Variants in SFXN1 observed in about 807,000 individuals in gnomAD.
The protein encoded by SFXN1 is sideroflexin-1.
Under a neutral mutation model 39.5 loss-of-function variants are expected in SFXN1, and 32 were observed. The observed-to-expected ratio is 0.81, with a 90% CI of 0.61 to 1.09. The LOEUF is 1.09. Ranked by LOEUF, SFXN1 falls within the 50% of genes least tolerant of loss-of-function variation. The pLI is 0.00. For missense variants in SFXN1, 402 were observed against 407.1 expected (o/e 0.99, Z 0.11); for synonymous variants, 136 against 146.5 (o/e 0.93, Z 0.52).
chr5:175,512,963 T>C (rs1167363537), intron 6 of SFXN1, among the ~76,000 whole-genome samples: 1 of 152,192 alleles, frequency 6.6e-6, no homozygotes, highest in African/African-American at 2.4e-5. Context: ...TGTTTTACTT[T>C]TATTTCTATC....
At chr5:175,510,564 G>A (rs1348575731) in intron 4 of SFXN1, among the ~76,000 whole-genome samples, 1 of 152,150 alleles carries the variant, frequency 6.6e-6, no homozygotes, top group African/African-American at 2.4e-5. Context: ...CATCTACCCT[G>A]CCTGAGTTGA....
At chr5:175,510,462 G>T in intron 4 of SFXN1, 1 of 451,978 alleles carries the variant, frequency 2.2e-6, no homozygotes, top group African/African-American at 2.0e-5. Flanking sequence ...CTGGTAGGAT[G>T]TTACCTCCTT....
intron 1 of SFXN1, among the ~76,000 whole-genome samples, chr5:175,482,725 A>G (rs1285906154): frequency 6.6e-6 from 1 of 152,230 alleles, no homozygotes; most frequent in Non-Finnish European, 1.5e-5. Context: ...CCTGTGTTTT[A>G]TAGATGACAG....
intron 2 of SFXN1, 131 bp from the exon 3 acceptor site, chr5:175,508,901 C>G (rs978648724): frequency 3.5e-5 from 26 of 746,856 alleles, no homozygotes; most frequent in Admixed American, 6.0e-5. Context: ...TCCCAAAGTG[C>G]TGGGATTACA....
chr5:175,520,220 TAC>T (rs928936807), intron 8 of SFXN1, among the ~76,000 whole-genome samples: 3 of 152,012 alleles, frequency 2.0e-5, no homozygotes, highest in South Asian at 2.1e-4. Context: ...TATATATATA[TAC>T]ACACACATAT....
chr5:175,480,181 C>T (rs1480454130), intron 1 of SFXN1, among the ~76,000 whole-genome samples: 15 of 152,146 alleles, frequency 9.9e-5, no homozygotes, highest in Non-Finnish European at 4.4e-5. Flanking sequence ...GCGGGCGGAT[C>T]ACGAGGTCAG....
At chr5:175,505,119 T>C (rs1044249666) in intron 2 of SFXN1, among the ~76,000 whole-genome samples, 2 of 152,172 alleles carry the variant, frequency 1.3e-5, no homozygotes, top group Admixed American at 6.5e-5. Flanking sequence ...ATGTTAAGTT[T>C]GAGTAAATGG....
chr5:175,502,108 G>A (rs1327832727), intron 2 of SFXN1, among the ~76,000 whole-genome samples: 1 of 152,142 alleles, frequency 6.6e-6, no homozygotes, highest in African/African-American at 2.4e-5. Context: ...GGCAGAACTG[G>A]TTGGGCCAGA....
chr5:175,518,166 T>C (rs1760772574), intron 8 of SFXN1, among the ~76,000 whole-genome samples: 1 of 152,170 alleles, frequency 6.6e-6, no homozygotes. Flanking sequence ...ACAGTTTTCT[T>C]GAAGAATAGT....
intron 1 of SFXN1, among the ~76,000 whole-genome samples, chr5:175,480,121 G>A (rs1759175177): frequency 6.6e-6 from 1 of 152,150 alleles, no homozygotes; most frequent in Non-Finnish European, 1.5e-5. Flanking sequence ...CAGTGTTTGG[G>A]CCAGGCGCGG....
At chr5:175,499,550 C>G (rs1759993414) in intron 2 of SFXN1, among the ~76,000 whole-genome samples, 2 of 152,136 alleles carry the variant, frequency 1.3e-5, no homozygotes, top group African/African-American at 4.8e-5. Flanking sequence ...TAGACTAAAA[C>G]AGAAAACCGT....
intron 1 of SFXN1, among the ~76,000 whole-genome samples, chr5:175,487,593 A>G (rs1383938385): frequency 6.6e-6 from 1 of 152,044 alleles, no homozygotes; most frequent in Non-Finnish European, 1.5e-5. Context: ...ACCTCTTCAC[A>G]CCACAGTCCT....
chr5:175,507,259 C>A (rs866047106), intron 2 of SFXN1, among the ~76,000 whole-genome samples: 3 of 151,994 alleles, frequency 2.0e-5, no homozygotes, highest in African/African-American at 7.3e-5. Flanking sequence ...TCCAGTATGC[C>A]GTTTGGCATT....
chr5:175,493,442 G>C (rs909582285), intron 2 of SFXN1, among the ~76,000 whole-genome samples: 1 of 152,172 alleles, frequency 6.6e-6, no homozygotes, highest in African/African-American at 2.4e-5. Context: ...CCATCATCTA[G>C]GTAGAGAGAG....
intron 5 of SFXN1, 160 bp downstream of exon 5, chr5:175,511,686 T>TA: frequency 1.6e-6 from 1 of 638,396 alleles, no homozygotes; most frequent in Non-Finnish European, 2.7e-6. Context: ...TCCAATAAGT[T>TA]TGGGAAGAGT....
intron 7 of SFXN1, among the ~76,000 whole-genome samples, chr5:175,515,881 C>A (rs1308399256): frequency 6.6e-6 from 1 of 152,008 alleles, no homozygotes; most frequent in Admixed American, 6.6e-5. Context: ...TCAGTGGGAG[C>A]CCTGAGCTTG....
chr5:175,500,211 C>A (rs896317415), intron 2 of SFXN1, among the ~76,000 whole-genome samples: 3 of 151,364 alleles, frequency 2.0e-5, no homozygotes, highest in African/African-American at 4.9e-5. Context: ...TACAAAAAAA[C>A]CAACTAGGAT....
At chr5:175,490,672 C>T (rs1223934569) in intron 1 of SFXN1, among the ~76,000 whole-genome samples, 1 of 152,094 alleles carries the variant, frequency 6.6e-6, no homozygotes, top group Non-Finnish European at 1.5e-5. Context: ...ATCCTTTGGC[C>T]TGCTAATATC....
At chr5:175,487,880 TTCTC>T (rs1460364938) in intron 1 of SFXN1, among the ~76,000 whole-genome samples, 1 of 152,168 alleles carries the variant, frequency 6.6e-6, no homozygotes, top group Non-Finnish European at 1.5e-5. Context: ...TGCTTTTTCT[TTCTC>T]TCACATCCCA....
Sources: allele counts gnomAD v4.1 joint callset (sites outside exome capture counted in the v4.1 genomes callset), GRCh38; gene constraint gnomAD v4.1.1; transcripts MANE v1.5; gene names NCBI Gene and HGNC (gene_info 2026-07-23, HGNC 2026-07-21).